The following ITPK1 variants were observed in gnomAD, a reference collection of about 807,000 sequenced individuals.
ITPK1 encodes the protein inositol 1,3,4-trisphosphate 5/6-kinase.
A neutral mutation model predicts 45.3 loss-of-function variants in ITPK1; 21 were observed. The observed-to-expected ratio is 0.46, with a 90% CI of 0.33 to 0.67. The LOEUF is 0.67. ITPK1 is among the 30% of genes least tolerant of loss of function. ITPK1 has a pLI of 0.02. For missense variants in ITPK1, 474 were observed against 573.5 expected (o/e 0.83, Z 1.77); for synonymous variants, 258 against 253.6 (o/e 1.02, Z -0.16).
intron 3 of ITPK1, among the ~76,000 whole-genome samples, chr14:93,030,026 T>C (rs1156611488): frequency 6.6e-6 from 1 of 152,198 alleles, no homozygotes; most frequent in Non-Finnish European, 1.5e-5. Flanking sequence ...CCACAGAGGA[T>C]TTCAGATCCA....
intron 2 of ITPK1, among the ~76,000 whole-genome samples, chr14:93,098,456 CA>C (rs35436506): frequency 0.031 from 4,327 of 141,166 alleles, 108 homozygotes; most frequent in Admixed American, 0.087. Context: ...GATTCCGTCT[CA>C]AAAAAAAAAA....
At chr14:92,952,054 T>A in intron 8 of ITPK1, 41 bp from the exon 9 acceptor site, 3 of 1,499,474 alleles carry the variant, frequency 2.0e-6, no homozygotes, top group Non-Finnish European at 2.7e-6. Flanking sequence ...AGAACCTCAA[T>A]GCAGGGACCA....
chr14:93,004,140 C>T (rs73332152), intron 4 of ITPK1, among the ~76,000 whole-genome samples: 3,876 of 152,298 alleles, frequency 0.025, 172 homozygotes, highest in African/African-American at 0.089. Flanking sequence ...GCATCCCAGT[C>T]GCCTGCAAGC....
chr14:93,085,320 A>ATTT (rs1471412805), intron 2 of ITPK1, among the ~76,000 whole-genome samples: 1 of 152,120 alleles, frequency 6.6e-6, no homozygotes, highest in East Asian at 1.9e-4. Context: ...CTTTCCTTTG[A>ATTT]CTGGGGAGTC....
chr14:93,000,714 C>T (rs4905026), intron 4 of ITPK1, among the ~76,000 whole-genome samples: 4 of 152,182 alleles, frequency 2.6e-5, no homozygotes, highest in Non-Finnish European at 4.4e-5. Flanking sequence ...CGGTGGCTTG[C>T]GCCTGTAATC....
At chr14:92,953,564 C>T (rs934413228) in intron 8 of ITPK1, among the ~76,000 whole-genome samples, 1 of 152,340 alleles carries the variant, frequency 6.6e-6, no homozygotes, top group South Asian at 2.1e-4. Flanking sequence ...CTGGCTCAGC[C>T]CCCTGAGCTC....
chr14:93,043,647 C>T (rs1320184717), intron 3 of ITPK1, among the ~76,000 whole-genome samples: 2 of 152,238 alleles, frequency 1.3e-5, no homozygotes, highest in African/African-American at 2.4e-5. Context: ...CTGGCTCATT[C>T]TTATCTGTGG....
At chr14:92,979,202 T>C (rs1566712105) in intron 5 of ITPK1, among the ~76,000 whole-genome samples, 1 of 152,244 alleles carries the variant, frequency 6.6e-6, no homozygotes, top group Non-Finnish European at 1.5e-5. Flanking sequence ...TAGTTCTTGT[T>C]TGGGCTAATT....
chr14:93,081,728 T>C (rs535548798), intron 2 of ITPK1, among the ~76,000 whole-genome samples: 1 of 152,308 alleles, frequency 6.6e-6, no homozygotes, highest in South Asian at 2.1e-4. Context: ...AGGTGAGTCC[T>C]GCGCCCTCCC....
intron 5 of ITPK1, among the ~76,000 whole-genome samples, chr14:92,980,110 C>T (rs1015496832): frequency 6.6e-6 from 1 of 152,164 alleles, no homozygotes; most frequent in African/African-American, 2.4e-5. Context: ...AGTGTGATAA[C>T]AGACTATACA....
chr14:92,962,973 C>G, intron 5 of ITPK1, 124 bp from the exon 6 acceptor site: 1 of 608,508 alleles, frequency 1.6e-6, no homozygotes, highest in Non-Finnish European at 2.9e-6. Context: ...CTGACCGTCC[C>G]CAACCTCTGC....
intron 3 of ITPK1, among the ~76,000 whole-genome samples, chr14:93,019,544 C>G (rs945273795): frequency 1.1e-4 from 17 of 152,368 alleles, no homozygotes; most frequent in African/African-American, 3.8e-4. Flanking sequence ...CAGGCCTGGG[C>G]TGCTCTCGGG....
intron 3 of ITPK1, among the ~76,000 whole-genome samples, chr14:93,052,012 G>T (rs2139931784): frequency 6.6e-6 from 1 of 152,344 alleles, no homozygotes; most frequent in African/African-American, 2.4e-5. Flanking sequence ...GCTGGAGCTT[G>T]CACCAGGGGA....
At chr14:93,054,194 C>T (rs888663601) in intron 3 of ITPK1, among the ~76,000 whole-genome samples, 5 of 152,318 alleles carry the variant, frequency 3.3e-5, no homozygotes, top group South Asian at 4.1e-4. Context: ...CAGTCACCCA[C>T]GTGTAGCTGC....
In ITPK1 at chr14:93,045,051, C is replaced by A. The variant is rs77621821; in HGVS notation, c.121-28250G>T. ...CTACCTTAAAGAACCAGATCCCTGACTTTGCAGCCCAGTGCCATGCTGCTT... is the reference window on the plus strand; with the variant it reads ...CTACCTTAAAGAACCAGATCCCTGAATTTGCAGCCCAGTGCCATGCTGCTT... On this transcript the variant is annotated intron_variant, in intron 3 of 10. Transcript: ENST00000267615. 4.0e-3 allele frequency among the ~76,000 whole-genome samples: 604 copies of A among 152,346 alleles called. 3 individuals are homozygous for A. The highest frequency in any genetic ancestry group is 0.014 in the African/African-American group (584 of 41,584).
intron 3 of ITPK1, among the ~76,000 whole-genome samples, chr14:93,030,530 C>T (rs184488087): frequency 4.5e-4 from 68 of 152,214 alleles, no homozygotes; most frequent in African/African-American, 1.5e-3. Flanking sequence ...GAAGATGCAA[C>T]GTGAAGATGA....
chr14:92,962,500 C>T, intron 6 of ITPK1, 105 bp from the exon 7 acceptor site: 1 of 827,182 alleles, frequency 1.2e-6, no homozygotes, highest in Non-Finnish European at 2.1e-6. Context: ...GACACAGACT[C>T]TGGACACCTG....
At chr14:92,977,491 G>C (rs1886006705) in intron 5 of ITPK1, among the ~76,000 whole-genome samples, 1 of 152,196 alleles carries the variant, frequency 6.6e-6, no homozygotes, top group African/African-American at 2.4e-5. Flanking sequence ...GCCAGCCGAC[G>C]TGGTTTGGCT....
intron 2 of ITPK1, among the ~76,000 whole-genome samples, chr14:93,092,259 T>C (rs559761720): frequency 1.4e-4 from 21 of 152,258 alleles, no homozygotes; most frequent in Non-Finnish European, 2.6e-4. Flanking sequence ...ACGCCAAAGA[T>C]GCAAAATCGA....
Sources: gnomAD v4.1 joint callset for allele counts (sites outside exome capture counted in the v4.1 genomes callset) on GRCh38, gnomAD v4.1.1 for gene constraint, MANE v1.5 for transcripts, NCBI Gene and HGNC (gene_info 2026-07-23, HGNC 2026-07-21) for gene names.